TNS4: variants seen among roughly 807,000 people sequenced by gnomAD.
The protein encoded by TNS4 is tensin-4.
TNS4 carries 46 observed loss-of-function variants against 70.4 expected under a neutral mutation model. The observed-to-expected ratio is 0.65, with a 90% CI of 0.52 to 0.84. The LOEUF (loss-of-function observed/expected upper bound fraction) is 0.84. Among genes scored for constraint, TNS4 ranks in the 40% least tolerant of loss-of-function variants. The pLI is 0.00. For synonymous variants in TNS4, 390 were observed against 366.6 expected (o/e 1.06, Z -0.73); for missense variants, 863 against 907.0 (o/e 0.95, Z 0.62).
chr17:40,488,400 G>C (rs1317116074), intron 3 of TNS4, 146 bp downstream of exon 3: 3 of 659,458 alleles, frequency 4.5e-6, no homozygotes, highest in South Asian at 4.3e-5. Context: ...GATCTGAAAG[G>C]CTGTAAAAGC....
intron 2 of TNS4, 46 bp downstream of exon 2, chr17:40,495,941 G>T: frequency 6.4e-7 from 1 of 1,556,424 alleles, no homozygotes; most frequent in Non-Finnish European, 8.7e-7. Context: ...TCCTCATGAG[G>T]TCTGGCACCA....
At chr17:40,490,210 G>C (rs897643271) in intron 2 of TNS4, among the ~76,000 whole-genome samples, 3 of 152,244 alleles carry the variant, frequency 2.0e-5, no homozygotes, top group Non-Finnish European at 4.4e-5. Context: ...CTGCCGACGC[G>C]CTCCAGCGCT....
chr17:40,487,110 G>T lies in TNS4; in HGVS notation c.1214C>A (p.Pro405His). The T allele has an allele frequency of 6.2e-7, 1 of 1,614,208 alleles. No homozygotes were observed. ...QNSVQPGAAS[P>H]SNPCPATRSN... is the part of the protein sequence containing the mutation. The stretch of plus-strand genomic sequence containing the variant: ...CCTGGTGGCTGGACAGGGGTTGCTG[G>T]GAGAAGCAGCTCCAGGTTGAACGGA... The change falls in exon 4 of 13, where the codon CCC becomes CAC. Residue 405 changes from proline to histidine, a missense_variant. Coordinates refer to ENST00000254051, the MANE Select transcript of TNS4 (RefSeq NM_032865.6).
chr17:40,478,307 C>T lies in TNS4; in HGVS notation c.2006G>A (p.Trp669Ter). Residue 669 changes from tryptophan to a stop codon, truncating the protein, a stop_gained and splice_region_variant, in exon 12 of 13, where the codon TGG becomes TAG. Coordinates refer to ENST00000254051, the MANE Select transcript of TNS4 (RefSeq NM_032865.6). LOFTEE classifies it high-confidence loss of function. ...GGGCCCTGAGACAGGAAGGCCTTAC[C>T]AGGAGGGTTTGCAGTACTTCTGCCA... is the stretch of plus-strand genomic sequence containing the variant. ...RKWQKYCKPS[W>*]IFGFVAKSQT... 1 of 1,612,228 alleles carries T rather than the reference C, an allele frequency of 6.2e-7. No homozygotes were observed. Among genetic ancestry groups the T allele is most frequent in the Non-Finnish European group, 8.5e-7 (1 of 1,179,438 alleles).
intron 9 of TNS4, among the ~76,000 whole-genome samples, chr17:40,480,474 C>T (rs767207757): frequency 1.3e-5 from 2 of 152,090 alleles, no homozygotes; most frequent in African/African-American, 2.4e-5. Context: ...TGCCACTCCC[C>T]CCACCCCCCA....
intron 6 of TNS4, 85 bp from the exon 7 acceptor site, chr17:40,482,501 T>C (rs1215541989): frequency 1.1e-5 from 15 of 1,338,208 alleles, no homozygotes; most frequent in Non-Finnish European, 1.5e-5. Flanking sequence ...CCCAGCACTT[T>C]GGGAGGCCGA....
Position 40,488,620 on chromosome 17 carries a change from C to T in TNS4, c.789G>A (p.Leu263=), listed in dbSNP as rs1251348065. ...SPRLEKRLGG[L]APQRGSRISV... ...AGATCCTGCTGCCCCGCTGTGGGGC[C>T]AGGCCTCCCAGCCGCTTCTCCAGTC... Residue 263 remains leucine (L), a synonymous_variant, in exon 3 of 13, where the codon CTG becomes CTA. Coordinates refer to ENST00000254051, the MANE Select transcript of TNS4 (RefSeq NM_032865.6). 1 of 1,521,356 alleles carries T rather than the reference C, an allele frequency of 6.6e-7. No homozygotes were observed. Among genetic ancestry groups the T allele is most frequent in the East Asian group, 2.3e-5 (1 of 44,030 alleles). The allele number at this position is 1,521,356 out of a possible 1,614,324, so 94.2% of individuals were successfully genotyped here. A position where few individuals can be genotyped will look rare whatever the true frequency, so the allele number is the denominator to read the frequency against.
intron 4 of TNS4, among the ~76,000 whole-genome samples, chr17:40,486,012 T>C (rs1025378539): frequency 2.6e-5 from 4 of 151,872 alleles, no homozygotes; most frequent in African/African-American, 9.7e-5. Flanking sequence ...GGAGTCGCCT[T>C]GATGCCTGTG....
At chr17:40,495,607 A>AG (rs574209329) in intron 2 of TNS4, among the ~76,000 whole-genome samples, 1 of 152,094 alleles carries the variant, frequency 6.6e-6, no homozygotes, top group Non-Finnish European at 1.5e-5. Flanking sequence ...CCAAAATTTC[A>AG]GGGGGGCCCA....
intron 10 of TNS4, among the ~76,000 whole-genome samples, chr17:40,479,227 A>G (rs1049504341): frequency 3.3e-5 from 5 of 151,984 alleles, no homozygotes; most frequent in African/African-American, 1.2e-4. Flanking sequence ...AGCTCACTAC[A>G]ACCTCCGCCT....
intron 8 of TNS4, 92 bp downstream of exon 8, chr17:40,482,033 AAAAT>A: frequency 7.2e-7 from 1 of 1,385,972 alleles, no homozygotes; most frequent in South Asian, 1.3e-5. Flanking sequence ...CCGTGACACT[AAAAT>A]AATCCACCAA....
At position 40,496,498 on chromosome 17, in the gene TNS4, T is replaced by C; in HGVS notation, c.-73A>G. ...TCACTGACATCCCAGAGATCTCACTTGCTAACCAGGAGCTCCCAGGATCTG... is the reference window on the plus strand; with the variant it reads ...TCACTGACATCCCAGAGATCTCACTCGCTAACCAGGAGCTCCCAGGATCTG... On this transcript the variant is annotated 5_prime_UTR_variant, in exon 2 of 13. Coordinates refer to ENST00000254051, the MANE Select transcript of TNS4 (RefSeq NM_032865.6). 6.8e-7 allele frequency: 1 copy of C among 1,474,328 alleles called. No individual in the cohort carries two copies. The highest frequency in any genetic ancestry group is 9.1e-7 in the Non-Finnish European group (1 of 1,104,196). The allele number at this position is 1,474,328 out of a possible 1,614,324, so 91.3% of individuals were successfully genotyped here.
chr17:40,480,991 C>T, intron 8 of TNS4: 1 of 527,122 alleles, frequency 1.9e-6, no homozygotes, highest in East Asian at 3.7e-5. Context: ...TTCATCCCCT[C>T]CTCGCCCCCC....
intron 2 of TNS4, among the ~76,000 whole-genome samples, chr17:40,493,241 A>C (rs1418768354): frequency 6.6e-6 from 1 of 152,216 alleles, no homozygotes; most frequent in African/African-American, 2.4e-5. Flanking sequence ...AATTCTGCCA[A>C]GTTAGGACAA....
chr17:40,476,504 G>T lies in TNS4; in HGVS notation c.*1084C>A. 1 of 150,130 alleles carries T rather than the reference G, an allele frequency of 6.7e-6. No homozygotes were observed. The highest frequency in any genetic ancestry group is 6.7e-5 in the Admixed American group (1 of 14,940). 9.3% of individuals were successfully genotyped at this position (150,130 alleles called of 1,614,324 possible). Reference sequence around the variant, plus strand: ...TCACAGAGAGATGGCCCTTATCTCTGCCCCCGCCGCCTAATATGCAACATT... The same window carrying T: ...TCACAGAGAGATGGCCCTTATCTCTTCCCCCGCCGCCTAATATGCAACATT... On this transcript the variant is annotated 3_prime_UTR_variant, in exon 13 of 13. Coordinates refer to ENST00000254051, the MANE Select transcript of TNS4 (RefSeq NM_032865.6).
intron 4 of TNS4, among the ~76,000 whole-genome samples, chr17:40,486,767 T>C (rs2035994341): frequency 6.6e-6 from 1 of 152,190 alleles, no homozygotes; most frequent in South Asian, 2.1e-4. Flanking sequence ...TCGCTTCCTC[T>C]GTTCTCCAGA....
Position 40,489,109 on chromosome 17 carries a change from C to G in TNS4, c.440-140G>C, listed in dbSNP as rs931864586. The G allele has an allele frequency of 2.2e-5, 16 of 738,864 alleles. No individual in the cohort carries two copies. The African/African-American group carries it at 2.8e-4, about 13-fold the overall frequency. The allele number at this position is 738,864 out of a possible 1,614,324, so 45.8% of individuals were successfully genotyped here. A position where few individuals can be genotyped will look rare whatever the true frequency, so the allele number is the denominator to read the frequency against. ...ACACTGAGGCCCAGAGAGGAGAGCC[C>G]AACTCCACCTTCAGGGCCCAGTTCC... On this transcript the variant is annotated intron_variant, in intron 2 of 12. Coordinates refer to ENST00000254051, the MANE Select transcript of TNS4 (RefSeq NM_032865.6).
intron 2 of TNS4, among the ~76,000 whole-genome samples, chr17:40,491,692 C>T (rs890497248): frequency 6.6e-6 from 1 of 152,190 alleles, no homozygotes; most frequent in East Asian, 1.9e-4. Context: ...CCCGTGCTCA[C>T]CTCAAGGTGG....
chr17:40,493,395 C>T (rs1223170992), intron 2 of TNS4, among the ~76,000 whole-genome samples: 3 of 152,186 alleles, frequency 2.0e-5, no homozygotes, highest in Non-Finnish European at 4.4e-5. Flanking sequence ...CACCACAACG[C>T]TCAGAGTTGT....
Sources: gnomAD v4.1 joint callset for allele counts (sites outside exome capture counted in the v4.1 genomes callset) on GRCh38, gnomAD v4.1.1 for gene constraint, MANE v1.5 for transcripts, NCBI Gene and HGNC (gene_info 2026-07-23, HGNC 2026-07-21) for gene names.